The following NRG1 variants were observed in gnomAD, a reference collection of about 807,000 sequenced individuals.
The protein encoded by NRG1 is neuregulin 1, also known as pro-neuregulin-1, membrane-bound isoform.
In NRG1, 18 loss-of-function variants were observed where a neutral mutation model predicts 63.8. That is an observed-to-expected ratio of 0.28 (90% CI 0.19 to 0.42). NRG1 has a LOEUF of 0.42. Among genes scored for constraint, NRG1 ranks in the 10% least tolerant of loss-of-function variants. The pLI, the probability that NRG1 is intolerant of heterozygous loss-of-function variation, is 1.00. For missense variants in NRG1, 762 were observed against 814.7 expected, an observed-to-expected ratio of 0.94 and a Z score of 0.79; for synonymous variants, 302 against 301.3, an observed-to-expected ratio of 1.00 and a Z score of -0.02.
At chr8:32,275,819 C>T (rs1766992405) in intron 1 of NRG1, among the ~76,000 whole-genome samples, 1 of 151,316 alleles carries the variant, frequency 6.6e-6, no homozygotes, top group Admixed American at 6.6e-5. Context: ...ATGCCCCTGC[C>T]TCTACCGTTC....
intron 1 of NRG1, among the ~76,000 whole-genome samples, chr8:32,516,290 G>A (rs1437068860): frequency 6.6e-6 from 1 of 151,640 alleles, no homozygotes; most frequent in Admixed American, 6.6e-5. Context: ...TCATTACCAT[G>A]CTGTTTTTGT....
chr8:32,085,756 T>C (rs1160773523), intron 1 of NRG1, among the ~76,000 whole-genome samples: 1 of 152,232 alleles, frequency 6.6e-6, no homozygotes, highest in South Asian at 2.1e-4. Context: ...TGATTTTTGG[T>C]TCAACTATTT....
At chr8:32,310,614 T>C (rs1282734431) in intron 1 of NRG1, among the ~76,000 whole-genome samples, 1 of 152,150 alleles carries the variant, frequency 6.6e-6, no homozygotes, top group South Asian at 2.1e-4. Flanking sequence ...ATAGAACCCA[T>C]TCAGTGAGAA....
At chr8:31,808,232 A>G in intron 1 of NRG1, among the ~76,000 whole-genome samples, 1 of 152,026 alleles carries the variant, frequency 6.6e-6, no homozygotes, top group East Asian at 1.9e-4. Context: ...TGATGTTAAT[A>G]ATGGCATGTT....
At chr8:32,404,536 G>A (rs1257998287) in intron 1 of NRG1, among the ~76,000 whole-genome samples, 1 of 148,702 alleles carries the variant, frequency 6.7e-6, no homozygotes, top group African/African-American at 2.5e-5. Flanking sequence ...CCTTTTTCAT[G>A]CTTCCTCTTT....
chr8:32,389,851 C>T (rs1811500697), intron 1 of NRG1, among the ~76,000 whole-genome samples: 1 of 151,834 alleles, frequency 6.6e-6, no homozygotes, highest in Non-Finnish European at 1.5e-5. Context: ...ACCTCTGCCT[C>T]CCAGGTTTAA....
intron 1 of NRG1, among the ~76,000 whole-genome samples, chr8:32,194,125 G>A (rs963699961): frequency 2.6e-5 from 4 of 152,066 alleles, no homozygotes; most frequent in South Asian, 2.1e-4. Context: ...CCAAGCCTCC[G>A]TTTCCTCATC....
chr8:32,483,702 C>T (rs7834221), intron 1 of NRG1, among the ~76,000 whole-genome samples: 6,577 of 152,198 alleles, frequency 0.043, 495 homozygotes, highest in African/African-American at 0.15. Context: ...TGTCAATTTC[C>T]TTACACTACT....
At chr8:32,367,691 C>A (rs569560211) in intron 1 of NRG1, among the ~76,000 whole-genome samples, 1 of 152,112 alleles carries the variant, frequency 6.6e-6, no homozygotes, top group Non-Finnish European at 1.5e-5. Flanking sequence ...AATATGGTCC[C>A]ATTTGTCTAG....
chr8:31,664,099 T>C (rs577948407), intron 1 of NRG1, among the ~76,000 whole-genome samples: 1 of 152,284 alleles, frequency 6.6e-6, no homozygotes, highest in Non-Finnish European at 1.5e-5. Flanking sequence ...GTTCATTGGT[T>C]GTTTTTGTCT....
intron 1 of NRG1, among the ~76,000 whole-genome samples, chr8:31,846,375 C>G (rs907302148): frequency 6.6e-6 from 1 of 152,162 alleles, no homozygotes; most frequent in Admixed American, 6.5e-5. Context: ...CAGTTTATCA[C>G]GAGCGCTATT....
intron 5 of NRG1, among the ~76,000 whole-genome samples, chr8:32,710,821 A>C (rs1817626566): frequency 6.6e-6 from 1 of 152,202 alleles, no homozygotes; most frequent in Non-Finnish European, 1.5e-5. Flanking sequence ...GACAACAGAC[A>C]ACTAGAAAAC....
At position 31,770,109 on chromosome 8, in the gene NRG1, C is replaced by A. The variant is rs142489451; in HGVS notation, c.37+130678C>A. On this transcript the variant is annotated intron_variant, in intron 1 of 10. Transcript: ENST00000519301. Reference sequence around the variant, plus strand: ...ATGAAATCATCTTGTGAACACAGGGCAGCTATTGAGGCTTGGCAGGTAGGT... The same window carrying A: ...ATGAAATCATCTTGTGAACACAGGGAAGCTATTGAGGCTTGGCAGGTAGGT... Among the ~76,000 whole-genome samples the A allele has an allele frequency of 2.5e-3, 380 of 152,190 alleles. 4 individuals are homozygous for A. Among genetic ancestry groups the A allele is most frequent in the African/African-American group, 8.7e-3 (363 of 41,514 alleles).
chr8:31,893,458 A>G (rs890948104), intron 1 of NRG1, among the ~76,000 whole-genome samples: 1 of 151,584 alleles, frequency 6.6e-6, no homozygotes, highest in Non-Finnish European at 1.5e-5. Context: ...TATTTGCTAT[A>G]TAAATGGTAA....
intron 1 of NRG1, among the ~76,000 whole-genome samples, chr8:32,112,918 A>T (rs1451413181): frequency 2.6e-5 from 4 of 152,198 alleles, no homozygotes; most frequent in Non-Finnish European, 4.4e-5. Flanking sequence ...TCTGTTCTGT[A>T]CAATTGGAAT....
At chr8:32,460,669 A>G (rs1223780267) in intron 1 of NRG1, among the ~76,000 whole-genome samples, 3 of 152,212 alleles carry the variant, frequency 2.0e-5, no homozygotes, top group African/African-American at 7.2e-5. Context: ...CTTGGAAAAA[A>G]CCCAGACAAC....
At chr8:32,535,631 G>C (rs1332409363) in intron 1 of NRG1, among the ~76,000 whole-genome samples, 1 of 152,206 alleles carries the variant, frequency 6.6e-6, no homozygotes, top group East Asian at 1.9e-4. Context: ...AAGGGCTAGA[G>C]ACAGGATGAT....
At chr8:31,895,035 G>A (rs78874092) in intron 1 of NRG1, among the ~76,000 whole-genome samples, 2,517 of 152,298 alleles carry the variant, frequency 0.017, 65 homozygotes, top group African/African-American at 0.056. Flanking sequence ...TTTAAACCAT[G>A]TCTTAGCTTC....
chr8:32,691,077 A>G (rs1052446926), intron 5 of NRG1, among the ~76,000 whole-genome samples: 1 of 151,906 alleles, frequency 6.6e-6, no homozygotes, highest in African/African-American at 2.4e-5. Flanking sequence ...GGTGCTGTGG[A>G]TCACACCTGT....
Sources: allele counts gnomAD v4.1 joint callset (sites outside exome capture counted in the v4.1 genomes callset), GRCh38; gene constraint gnomAD v4.1.1; transcripts MANE v1.5; gene names NCBI Gene and HGNC (gene_info 2026-07-23, HGNC 2026-07-21).